CYTH4: variants seen among roughly 807,000 people sequenced by gnomAD.
CYTH4 encodes the protein cytohesin 4.
Under a neutral mutation model 57.5 loss-of-function variants are expected in CYTH4, and 22 were observed. That is an observed-to-expected ratio of 0.38 (90% CI 0.27 to 0.55). The LOEUF (loss-of-function observed/expected upper bound fraction) is 0.55, where lower values mean the gene tolerates loss of function less well. Ranked by LOEUF, CYTH4 falls within the 20% of genes least tolerant of loss-of-function variation. CYTH4 has a pLI of 0.74. For missense variants in CYTH4, 420 were observed against 535.6 expected (o/e 0.78, Z 2.13); for synonymous variants, 186 against 206.5 (o/e 0.90, Z 0.85).
chr22:37,287,099 T>C (rs1928587175), intron 1 of CYTH4, among the ~76,000 whole-genome samples: 2 of 152,034 alleles, frequency 1.3e-5, no homozygotes, highest in South Asian at 4.2e-4. Flanking sequence ...GGGGGCATTC[T>C]AGAAGTTCAA....
At chr22:37,291,559 G>A (rs1928748417) in intron 1 of CYTH4, among the ~76,000 whole-genome samples, 1 of 152,222 alleles carries the variant, frequency 6.6e-6, no homozygotes, top group African/African-American at 2.4e-5. Context: ...ATGGGGAAGT[G>A]GGACTGAGTC....
At chr22:37,286,098 G>A (rs528356647) in intron 1 of CYTH4, among the ~76,000 whole-genome samples, 4 of 103,174 alleles carry the variant, frequency 3.9e-5, no homozygotes, top group Admixed American at 2.3e-4. Context: ...AGTTGGCTTT[G>A]CAGGGGTTGG....
intron 6 of CYTH4, 37 bp downstream of exon 6, chr22:37,299,343 G>T (rs370207484): frequency 6.3e-7 from 1 of 1,585,256 alleles, no homozygotes; most frequent in Non-Finnish European, 8.7e-7. Context: ...GCCCTCAAGG[G>T]TGGCACAGCC....
chr22:37,303,931 G>T (rs1929294625), intron 8 of CYTH4, among the ~76,000 whole-genome samples: 1 of 152,194 alleles, frequency 6.6e-6, no homozygotes, highest in African/African-American at 2.4e-5. Context: ...TCTGCGCCCA[G>T]CACAGGGGCC....
intron 7 of CYTH4, 61 bp from the exon 8 acceptor site, chr22:37,303,193 G>A (rs1383940652): frequency 6.2e-7 from 1 of 1,602,774 alleles, no homozygotes; most frequent in East Asian, 2.3e-5. Flanking sequence ...CCTGGAAGGG[G>A]CCGGGACAGA....
rs1929625370 is a variant in CYTH4, at chr22:37,311,130, C to T, written c.885+66C>T. On this transcript the variant is annotated intron_variant, in intron 10 of 12. Transcript: ENST00000248901. The surrounding 1 kb of genome is among the most constrained non-coding windows in gnomAD (Gnocchi z 4.4). ...TCCCCGCACAACCCACTTCCCAACT[C>T]CCACTGAGCAGTCGACTCACACAGC... 2.6e-6 allele frequency: 4 copies of T among 1,539,320 alleles called. No homozygotes were observed. Among genetic ancestry groups the T allele is most frequent in the Non-Finnish European group, 2.7e-6 (3 of 1,113,570 alleles).
chr22:37,287,672 A>C (rs1426877793), intron 1 of CYTH4, among the ~76,000 whole-genome samples: 4 of 152,006 alleles, frequency 2.6e-5, no homozygotes, highest in Admixed American at 6.5e-5. Flanking sequence ...TGCATGTCCC[A>C]AGCAGTTTGG....
At chr22:37,284,949 G>T (rs567695441) in intron 1 of CYTH4, among the ~76,000 whole-genome samples, 2 of 87,228 alleles carry the variant, frequency 2.3e-5, no homozygotes, top group African/African-American at 3.2e-5. Flanking sequence ...TGGGGCGGTG[G>T]GGGGGCGGCG....
intron 8 of CYTH4, among the ~76,000 whole-genome samples, chr22:37,307,549 C>A (rs564020927): frequency 7.2e-5 from 11 of 152,280 alleles, no homozygotes; most frequent in African/African-American, 2.2e-4. Flanking sequence ...TCCCAGCCCA[C>A]CCCTGACTCT....
chr22:37,285,402 A>G (rs1457031641), intron 1 of CYTH4, among the ~76,000 whole-genome samples: 1 of 152,068 alleles, frequency 6.6e-6, no homozygotes, highest in African/African-American at 2.4e-5. Context: ...TATTATTATT[A>G]GTATTTAAAA....
At chr22:37,303,479 G>T in intron 8 of CYTH4, 77 bp downstream of exon 8, 1 of 1,511,638 alleles carries the variant, frequency 6.6e-7, no homozygotes, top group Non-Finnish European at 8.8e-7. Flanking sequence ...TGGCCCGGGA[G>T]GGGCTCCTCT....
intron 1 of CYTH4, among the ~76,000 whole-genome samples, chr22:37,286,582 A>G (rs1928569678): frequency 6.6e-6 from 1 of 152,040 alleles, no homozygotes; most frequent in Admixed American, 6.5e-5. Flanking sequence ...CCTAGATGGA[A>G]CCCAGGAGGA....
chr22:37,313,451 C>A lies in CYTH4; in HGVS notation c.1125C>A (p.Thr375=). The change falls in exon 13 of 13, where the codon ACC becomes ACA. Residue 375 remains threonine (T), a synonymous_variant. Coordinates refer to ENST00000248901, the MANE Select transcript of CYTH4 (RefSeq NM_013385.5). ...CCACTCATTCTAGAGCCAGCATCACCCGTGTCCCCTTCTACGACCTGGTCT... is the reference window on the plus strand; with the variant it reads ...CCACTCATTCTAGAGCCAGCATCACACGTGTCCCCTTCTACGACCTGGTCT... ...QWIESIRASI[T]RVPFYDLVST... 6.2e-7 allele frequency: 1 copy of A among 1,614,164 alleles called. No individual in the cohort carries two copies. The highest frequency in any genetic ancestry group is 1.1e-5 in the South Asian group (1 of 91,082).
At chr22:37,309,101 G>A (rs932419914) in intron 8 of CYTH4, 111 bp from the exon 9 acceptor site, 2 of 799,654 alleles carry the variant, frequency 2.5e-6, no homozygotes, top group African/African-American at 1.7e-5. Flanking sequence ...TGAGGAAAGA[G>A]TATGCCTGCA....
chr22:37,300,231 C>A (rs1427253999), intron 6 of CYTH4: 3 of 717,262 alleles, frequency 4.2e-6, no homozygotes, highest in Admixed American at 4.0e-5. Context: ...AAGCCACCAC[C>A]ATCCAGTGTT....
At position 37,307,077 on chromosome 22, in the gene CYTH4, C is replaced by G. The variant is rs1361216125; in HGVS notation, c.697-2135C>G. The stretch of plus-strand genomic sequence containing the variant: ...GAGGTGGGGGTGGAGGGACACAGAG[C>G]CAGCAGGGCCACCGGAAGGAGGCCC... On this transcript the variant is annotated intron_variant, in intron 8 of 12. Transcript: ENST00000248901. 2.6e-5 allele frequency among the ~76,000 whole-genome samples: 4 copies of G among 152,198 alleles called. No individual in the cohort carries two copies. The South Asian group carries it at 6.2e-4, about 24-fold the overall frequency.
chr22:37,299,204 T>G, intron 5 of CYTH4, 22 bp from the exon 6 acceptor site: 14 of 1,280,802 alleles, frequency 1.1e-5, no homozygotes, highest in African/African-American at 1.5e-5. Context: ...TGTCCCACCC[T>G]CCCTTCCGCC....
intron 1 of CYTH4, among the ~76,000 whole-genome samples, chr22:37,288,461 C>G (rs1332031935): frequency 6.6e-6 from 1 of 152,114 alleles, no homozygotes; most frequent in Non-Finnish European, 1.5e-5. Flanking sequence ...TGGTGCATGC[C>G]TGTGATCCCA....
At chr22:37,309,153 T>C in intron 8 of CYTH4, 59 bp from the exon 9 acceptor site, 1 of 1,507,524 alleles carries the variant, frequency 6.6e-7, no homozygotes, top group Non-Finnish European at 9.2e-7. Flanking sequence ...AGGCCAGGCC[T>C]AGGCCTTGGA....
Sources: gnomAD v4.1 joint callset for allele counts (sites outside exome capture counted in the v4.1 genomes callset) on GRCh38, gnomAD v4.1.1 for gene constraint, Gnocchi (gnomAD v3.1) non-coding constraint, MANE v1.5 for transcripts, NCBI Gene and HGNC (gene_info 2026-07-23, HGNC 2026-07-21) for gene names.